The following KCNAB2 variants were observed in gnomAD, a reference collection of about 807,000 sequenced individuals.
KCNAB2 encodes the protein voltage-gated potassium channel subunit beta-2.
A neutral mutation model predicts 63.6 loss-of-function variants in KCNAB2; 29 were observed. The ratio of observed to expected loss-of-function variants is 0.46; its 90% CI spans 0.34 to 0.62. KCNAB2 has a LOEUF of 0.62. Ranked by LOEUF, KCNAB2 falls within the 20% of genes least tolerant of loss-of-function variation. The probability of loss-of-function intolerance (pLI) is 0.01; values close to 1 mark genes in which losing one functional copy is unlikely to be tolerated. For missense variants in KCNAB2, 359 were observed against 563.9 expected, an observed-to-expected ratio of 0.64 and a Z score of 3.68; for synonymous variants, 222 against 224.2, an observed-to-expected ratio of 0.99 and a Z score of 0.09.
chr1:6,009,873 C>CT (rs202118090), intron 1 of KCNAB2, among the ~76,000 whole-genome samples: 102 of 139,064 alleles, frequency 7.3e-4, no homozygotes, highest in Admixed American at 1.7e-3. Flanking sequence ...TTCTTTTTTT[C>CT]TTTTTTTTTT....
intron 5 of KCNAB2, among the ~76,000 whole-genome samples, chr1:6,084,625 G>T (rs374571003): frequency 5.3e-5 from 8 of 152,142 alleles, no homozygotes; most frequent in Admixed American, 2.6e-4. Flanking sequence ...AGACCAGCCT[G>T]GCCAACATAG....
intron 1 of KCNAB2, among the ~76,000 whole-genome samples, chr1:5,999,651 G>C (rs1030608319): frequency 1.4e-4 from 21 of 152,150 alleles, no homozygotes; most frequent in African/African-American, 5.1e-4. Flanking sequence ...AGGCCTCTTG[G>C]AATGTGGTTT....
chr1:6,053,956 T>C (rs2100549075), intron 2 of KCNAB2, among the ~76,000 whole-genome samples: 1 of 150,638 alleles, frequency 6.6e-6, no homozygotes, highest in African/African-American at 2.4e-5. Context: ...TGCAGGAGGA[T>C]CACTTGAACC....
At chr1:6,016,762 C>T (rs1294488733) in intron 1 of KCNAB2, among the ~76,000 whole-genome samples, 1 of 152,140 alleles carries the variant, frequency 6.6e-6, no homozygotes, top group Non-Finnish European at 1.5e-5. Context: ...CTGCGTGGGC[C>T]CCAGACAGGA....
Position 6,073,149 on chromosome 1 carries a change from C to T in KCNAB2, c.262+351C>T, listed in dbSNP as rs1056717095. On this transcript the variant is annotated intron_variant, in intron 3 of 15. Transcript: ENST00000378083. This position sits in a 1 kb window ranked among gnomAD's most constrained non-coding sequence, Gnocchi z 5.7. ...CTTACCTTCCAAGGCAGGCTCAGCT[C>T]GTGAGTCCCTCCTGGAGCGCCATTG... Among the ~76,000 whole-genome samples, 8 of 152,272 alleles carry T rather than the reference C, an allele frequency of 5.3e-5. No individual in the cohort carries two copies. The South Asian group carries it at 8.3e-4, about 16-fold the overall frequency.
intron 2 of KCNAB2, among the ~76,000 whole-genome samples, chr1:6,068,005 TG>T (rs1348744355): frequency 6.6e-6 from 1 of 152,212 alleles, no homozygotes; most frequent in South Asian, 2.1e-4. Context: ...CACTCCAGCC[TG>T]GGTGACAGAA....
At chr1:6,042,955 A>G (rs1203024173), upstream of KCNAB2, among the ~76,000 whole-genome samples, 5 of 151,116 alleles carry the variant, frequency 3.3e-5, no homozygotes, top group African/African-American at 7.3e-5. Flanking sequence ...TGCTCCTTAC[A>G]GGGAGCTCTG....
chr1:6,001,449 G>T (rs1309180900), intron 1 of KCNAB2, among the ~76,000 whole-genome samples: 1 of 152,188 alleles, frequency 6.6e-6, no homozygotes, highest in African/African-American at 2.4e-5. Context: ...GGGATGCCTA[G>T]GAGAGGGTCT....
chr1:6,091,508 C>T (rs904907979), intron 10 of KCNAB2, among the ~76,000 whole-genome samples: 1 of 152,108 alleles, frequency 6.6e-6, no homozygotes, highest in Non-Finnish European at 1.5e-5. Flanking sequence ...CCCCAGCCCC[C>T]CATCCCCTCG....
At chr1:6,046,242 C>G (rs1660913674) in intron 1 of KCNAB2, 59 bp downstream of exon 1, 4 of 968,562 alleles carry the variant, frequency 4.1e-6, no homozygotes, top group Non-Finnish European at 1.2e-6. Flanking sequence ...GGGCACGCAT[C>G]CGCGGGAATG....
rs1434028101 is a variant in KCNAB2, at chr1:6,097,763, A to G, written c.1158+406A>G. 7.0e-6 allele frequency: 3 copies of G among 428,528 alleles called. No homozygotes were observed. The Admixed American group carries it at 1.2e-4, about 17-fold the overall frequency. 26.5% of individuals were successfully genotyped at this position (428,528 alleles called of 1,614,324 possible). A position where few individuals can be genotyped will look rare whatever the true frequency, so the allele number is the denominator to read the frequency against. ...GCGGGAAGAACCTTCCACCAGCAGG[A>G]AGAGTTGATGCAAAGGCCCAAAAAG... On this transcript the variant is annotated intron_variant, in intron 15 of 15. Transcript: ENST00000378083.
chr1:6,041,097 G>A (rs114189332), upstream of KCNAB2: 424 of 160,546 alleles, frequency 2.6e-3, 2 homozygotes, highest in African/African-American at 9.6e-3. Context: ...CAACACTGGA[G>A]GGAGTGGGGG....
chr1:6,084,374 GACACGTGCACCCAC>G (rs1664464332), intron 5 of KCNAB2, among the ~76,000 whole-genome samples: 1 of 152,072 alleles, frequency 6.6e-6, no homozygotes, highest in South Asian at 2.1e-4. Context: ...AAATGAGAGG[GACACGTGCACCCAC>G]ACACATGCAC....
chr1:6,088,191 A>T (rs116672780), intron 7 of KCNAB2, among the ~76,000 whole-genome samples: 3,089 of 149,256 alleles, frequency 0.021, 106 homozygotes, highest in African/African-American at 0.072. Context: ...TACAGGGATG[A>T]GCCACCATGC....
At position 6,073,342 on chromosome 1, in the gene KCNAB2, G is replaced by T. The variant is rs1429285746; in HGVS notation, c.263-391G>T. 6.6e-6 allele frequency among the ~76,000 whole-genome samples: 1 copy of T among 150,464 alleles called. No individual in the cohort carries two copies. Among genetic ancestry groups the T allele is most frequent in the Non-Finnish European group, 1.5e-5 (1 of 67,698 alleles). ...CCACTGCCCTGACACCGCCCTCCCC[G>T]CTCTGTCCCAGCAGGAGCACGCAGA... is the stretch of plus-strand genomic sequence containing the variant. On this transcript the variant is annotated intron_variant, in intron 3 of 15. Transcript: ENST00000378083. This position sits in a 1 kb window ranked among gnomAD's most constrained non-coding sequence, Gnocchi z 5.7.
intron 4 of KCNAB2, among the ~76,000 whole-genome samples, chr1:6,077,405 G>A (rs1452072676): frequency 6.6e-6 from 1 of 152,166 alleles, no homozygotes; most frequent in East Asian, 1.9e-4. Flanking sequence ...GCCGTGAGTC[G>A]CTCCCTCTCT....
intron 1 of KCNAB2, among the ~76,000 whole-genome samples, chr1:6,029,257 C>T (rs919598320): frequency 1.4e-5 from 2 of 144,958 alleles, no homozygotes; most frequent in African/African-American, 5.2e-5. Flanking sequence ...CACTCCAGCC[C>T]GGGCGACTGA....
chr1:6,089,177 C>T lies in KCNAB2; in HGVS notation c.514+126C>T, dbSNP rs879088334. ...ACTGAGGGCCCAATCCCGGGGCACC[C>T]GGTGCTCTGGCCTGACCTTCTCCTT... is the stretch of plus-strand genomic sequence containing the variant. On this transcript the variant is annotated intron_variant, in intron 8 of 15. Coordinates refer to ENST00000378083, the MANE Select transcript of KCNAB2 (RefSeq NM_001199862.2). 4.5e-5 allele frequency: 47 copies of T among 1,046,098 alleles called. No individual in the cohort carries two copies. In the East Asian group the frequency reaches 7.3e-4, roughly 16 times the overall value. The allele number at this position is 1,046,098 out of a possible 1,614,324, so 64.8% of individuals were successfully genotyped here. A position where few individuals can be genotyped will look rare whatever the true frequency, so the allele number is the denominator to read the frequency against.
rs76380023 is a variant in KCNAB2 at position 6,037,683 on chromosome 1, C to T, written c.-52-2834C>T. Among the ~76,000 whole-genome samples the T allele has an allele frequency of 7.6e-3, 1,155 of 152,226 alleles. 22 individuals are homozygous for T. Among genetic ancestry groups the T allele is most frequent in the African/African-American group, 0.026 (1,090 of 41,536 alleles). On this transcript the variant is annotated intron_variant, in intron 1 of 15. Transcript: ENST00000164247. ...GACTTTAGTGAGATGATTTGATTTC[C>T]TGCCTCTGAGTCATCTAAGAGCAAA...
Sources: gnomAD v4.1 joint callset for allele counts (sites outside exome capture counted in the v4.1 genomes callset) on GRCh38, gnomAD v4.1.1 for gene constraint, Gnocchi (gnomAD v3.1) non-coding constraint, MANE v1.5 for transcripts, NCBI Gene and HGNC (gene_info 2026-07-23, HGNC 2026-07-21) for gene names.